Variants in SCAI observed in about 807,000 individuals in gnomAD.
SCAI encodes the protein protein SCAI.
Under a neutral mutation model 92.2 loss-of-function variants are expected in SCAI, and 24 were observed. The observed-to-expected ratio is 0.26, with a 90% CI of 0.19 to 0.37. The LOEUF is 0.37. Among genes scored for constraint, SCAI ranks in the 10% least tolerant of loss-of-function variants. SCAI has a pLI of 1.00. For synonymous variants in SCAI, 261 were observed against 258.6 expected (o/e 1.01, Z -0.09); for missense variants, 450 against 736.2 (o/e 0.61, Z 4.50).
chr9:124,965,514 C>T (rs1304682762), intron 17 of SCAI, among the ~76,000 whole-genome samples: 3 of 152,150 alleles, frequency 2.0e-5, no homozygotes, highest in Non-Finnish European at 2.9e-5. Context: ...GGATTACAGG[C>T]GTGAGCTACT....
intron 9 of SCAI, among the ~76,000 whole-genome samples, chr9:125,006,559 T>A (rs1040104343): frequency 2.0e-5 from 3 of 152,190 alleles, no homozygotes; most frequent in Admixed American, 6.5e-5. Flanking sequence ...TGGCGCGATC[T>A]CGGCTCACTG....
intron 14 of SCAI, among the ~76,000 whole-genome samples, chr9:124,987,560 A>G (rs1832022855): frequency 6.6e-6 from 1 of 152,170 alleles, no homozygotes; most frequent in Non-Finnish European, 1.5e-5. Context: ...AATGAGAAAG[A>G]CTGGTGTTGG....
intron 15 of SCAI, among the ~76,000 whole-genome samples, chr9:124,974,728 A>G (rs779534082): frequency 2.0e-5 from 3 of 152,254 alleles, no homozygotes; most frequent in Non-Finnish European, 2.9e-5. Flanking sequence ...AAATGTGTGA[A>G]GGACATGTAT....
chr9:125,049,851 A>C (rs1054085898), intron 3 of SCAI, among the ~76,000 whole-genome samples: 1 of 152,208 alleles, frequency 6.6e-6, no homozygotes, highest in Non-Finnish European at 1.5e-5. Context: ...ATGAGTTAAA[A>C]AGTCCAAGTA....
At chr9:125,027,590 G>A (rs1476211276) in intron 5 of SCAI, among the ~76,000 whole-genome samples, 1 of 151,858 alleles carries the variant, frequency 6.6e-6, no homozygotes. Context: ...GCATGATCTC[G>A]GCTCACTGCA....
At chr9:124,966,552 T>C (rs532808041) in intron 17 of SCAI, among the ~76,000 whole-genome samples, 1 of 152,330 alleles carries the variant, frequency 6.6e-6, no homozygotes, top group East Asian at 1.9e-4. Flanking sequence ...GTATATATCT[T>C]ATAGTAGTAA....
intron 2 of SCAI, among the ~76,000 whole-genome samples, chr9:125,128,826 T>C (rs1244501782): frequency 6.9e-6 from 1 of 144,390 alleles, no homozygotes; most frequent in Non-Finnish European, 1.5e-5. Flanking sequence ...ATTTTGGGAG[T>C]CTGAGGCAGG....
chr9:125,064,640 G>A (rs1044645953), intron 2 of SCAI, among the ~76,000 whole-genome samples: 1 of 152,136 alleles, frequency 6.6e-6, no homozygotes, highest in Non-Finnish European at 1.5e-5. Flanking sequence ...GGGGTCAGGA[G>A]TTCAAGACCA....
At chr9:125,065,975 T>C (rs1161137306) in intron 2 of SCAI, 3 of 763,428 alleles carry the variant, frequency 3.9e-6, no homozygotes, top group East Asian at 2.4e-5. Flanking sequence ...TTTAAAACTA[T>C]AGCAAAAATC....
chr9:125,104,161 G>A lies in SCAI; in HGVS notation c.98+38472C>T, dbSNP rs144997254. 2.6e-5 allele frequency among the ~76,000 whole-genome samples: 4 copies of A among 152,238 alleles called. No individual in the cohort carries two copies. In the East Asian group the frequency reaches 7.7e-4, roughly 29 times the overall value. The stretch of plus-strand genomic sequence containing the variant: ...CAATAACTAGAAAGTGATTCAACTG[G>A]ACTCTTCAAGTTCACAAGAGAACAG... On this transcript the variant is annotated intron_variant, in intron 2 of 17. Transcript: ENST00000336505.
At chr9:125,136,769 CTTT>C (rs796469701) in intron 2 of SCAI, among the ~76,000 whole-genome samples, 3 of 118,958 alleles carry the variant, frequency 2.5e-5, no homozygotes, top group Admixed American at 1.7e-4. Flanking sequence ...ACTAATACCA[CTTT>C]TTTTTTTTTT....
At chr9:125,055,702 T>G (rs1200403266) in intron 3 of SCAI, among the ~76,000 whole-genome samples, 174 bp downstream of exon 3, 1 of 152,208 alleles carries the variant, frequency 6.6e-6, no homozygotes, top group Admixed American at 6.5e-5. Flanking sequence ...CTTTTCCTAT[T>G]GTTTTTTTAT....
At chr9:124,993,232 C>T (rs924716348) in intron 14 of SCAI, among the ~76,000 whole-genome samples, 2 of 152,242 alleles carry the variant, frequency 1.3e-5, no homozygotes, top group Admixed American at 1.3e-4. Context: ...TAAACCTTTT[C>T]ATTCAGCAGC....
intron 15 of SCAI, chr9:124,975,432 C>A (rs1295915822): frequency 2.2e-6 from 1 of 448,192 alleles, no homozygotes; most frequent in South Asian, 1.6e-5. Context: ...ACAAGTACTG[C>A]TAAAACAGTG....
chr9:125,000,954 C>T (rs528939575), intron 12 of SCAI, among the ~76,000 whole-genome samples: 38 of 152,046 alleles, frequency 2.5e-4, no homozygotes, highest in South Asian at 8.3e-4. Context: ...TATCAAAGTA[C>T]GATTACCTAT....
At chr9:124,989,271 A>C (rs1832063900) in intron 14 of SCAI, among the ~76,000 whole-genome samples, 1 of 152,194 alleles carries the variant, frequency 6.6e-6, no homozygotes, top group Non-Finnish European at 1.5e-5. Flanking sequence ...CAGAATTAGA[A>C]TGCTTCATGC....
At chr9:125,032,191 A>ATTT (rs1254303558) in intron 3 of SCAI, among the ~76,000 whole-genome samples, 14 of 80,646 alleles carry the variant, frequency 1.7e-4, no homozygotes, top group African/African-American at 5.4e-4. Context: ...ATATATATAT[A>ATTT]TATATTTTTT....
intron 2 of SCAI, among the ~76,000 whole-genome samples, chr9:125,140,660 C>T (rs1835644369): frequency 7.0e-6 from 1 of 142,464 alleles, no homozygotes; most frequent in Non-Finnish European, 1.5e-5. Context: ...TTGAGACCAG[C>T]CTGGGCAACA....
chr9:125,127,730 G>A (rs906382570), intron 2 of SCAI, among the ~76,000 whole-genome samples: 3 of 152,118 alleles, frequency 2.0e-5, no homozygotes, highest in Non-Finnish European at 4.4e-5. Context: ...TTTTCCGGCC[G>A]AACGAGGTGG....
Sources: gnomAD v4.1 joint callset for allele counts (sites outside exome capture counted in the v4.1 genomes callset) on GRCh38, gnomAD v4.1.1 for gene constraint, MANE v1.5 for transcripts, NCBI Gene and HGNC (gene_info 2026-07-23, HGNC 2026-07-21) for gene names.